Variants in KALRN observed in about 807,000 individuals in gnomAD.
The protein encoded by KALRN is kalirin RhoGEF kinase, also known as kalirin.
A neutral mutation model predicts 353.7 loss-of-function variants in KALRN; 70 were observed. The observed-to-expected ratio is 0.20, with a 90% confidence interval of 0.16 to 0.24. KALRN has a LOEUF of 0.24. Ranked by LOEUF, KALRN falls within the 10% of genes least tolerant of loss-of-function variation. The pLI is 1.00. For synonymous variants in KALRN, 1,391 were observed against 1,434.8 expected (o/e 0.97, Z 0.69); for missense variants, 2,791 against 3,756.7 (o/e 0.74, Z 6.72).
rs551384616 is a variant in KALRN at position 124,717,452 on chromosome 3, C to T, written c.8415+67C>T. 1.2e-4 allele frequency: 148 copies of T among 1,185,602 alleles called. No homozygotes were observed. The East Asian group carries it at 3.2e-3, about 26-fold the overall frequency. The allele number at this position is 1,185,602 out of a possible 1,614,324, so 73.4% of individuals were successfully genotyped here. A position where few individuals can be genotyped will look rare whatever the true frequency, so the allele number is the denominator to read the frequency against. Reference sequence around the variant, plus strand: ...CTGAAATCCCAGCACTTTGGGAGGCCAAGGTGGGCGGATCACAAGGTCAGG... The same window carrying T: ...CTGAAATCCCAGCACTTTGGGAGGCTAAGGTGGGCGGATCACAAGGTCAGG... On this transcript the variant is annotated intron_variant, in intron 59 of 59. Coordinates refer to ENST00000682506, the MANE Select transcript of KALRN (RefSeq NM_001388419.1).
At chr3:124,079,281 T>TA (rs1410932901) in intron 1 of KALRN, among the ~76,000 whole-genome samples, 1 of 152,084 alleles carries the variant, frequency 6.6e-6, no homozygotes, top group Non-Finnish European at 1.5e-5. Flanking sequence ...CCACAGAAGA[T>TA]AAGGGGTCTC....
At chr3:124,699,770 A>C in intron 55 of KALRN, 99 bp from the exon 56 acceptor site, 1 of 1,148,832 alleles carries the variant, frequency 8.7e-7, no homozygotes. Flanking sequence ...CATCCCTTGA[A>C]TTGAATGTGT....
chr3:124,071,329 G>A (rs571376693), intron 1 of KALRN, among the ~76,000 whole-genome samples: 1 of 152,268 alleles, frequency 6.6e-6, no homozygotes, highest in Admixed American at 6.5e-5. Flanking sequence ...AAAGGAAGTA[G>A]TTACTCCCGT....
intron 46 of KALRN, 118 bp downstream of exon 46, chr3:124,666,752 A>G (rs1217852190): frequency 1.2e-6 from 1 of 861,710 alleles, no homozygotes; most frequent in Non-Finnish European, 1.8e-6. Flanking sequence ...TTTCAGCCGA[A>G]TAACATTCGG....
intron 6 of KALRN, among the ~76,000 whole-genome samples, chr3:124,319,538 G>C (rs1184083035): frequency 1.3e-5 from 2 of 149,056 alleles, no homozygotes; most frequent in Non-Finnish European, 3.0e-5. Context: ...CCTCTGTATA[G>C]TTTTAATAAC....
Position 124,234,935 on chromosome 3 carries a change from C to CGTGCCAAGGTAAGGGGAAGGGGAATG in KALRN, c.257_263+19dup. The CGTGCCAAGGTAAGGGGAAGGGGAATG allele has an allele frequency of 6.3e-7, 1 of 1,598,400 alleles. No individual in the cohort carries two copies. The highest frequency in any genetic ancestry group is 1.1e-5 in the South Asian group (1 of 88,484). ...GGAAACTCGTGACGTATTTGGCCAG[C>CGTGCCAAGGTAAGGGGAAGGGGAATG]GTGCCAAGGTAAGGGGAAGGGGAAT... On this transcript the variant is annotated stop_gained and frameshift_variant, in exon 3 of 60. Transcript: ENST00000682506. LOFTEE classifies it high-confidence loss of function.
intron 6 of KALRN, 61 bp from the exon 7 acceptor site, chr3:124,325,919 G>A (rs774070068): frequency 2.4e-5 from 35 of 1,430,090 alleles, no homozygotes; most frequent in African/African-American, 4.2e-5. Flanking sequence ...TGTACCCCAC[G>A]AAAGTGCTCA....
intron 33 of KALRN, among the ~76,000 whole-genome samples, chr3:124,558,915 A>C (rs933193979): frequency 5.2e-5 from 8 of 152,400 alleles, no homozygotes; most frequent in Non-Finnish European, 1.0e-4. Context: ...TTGGGAAACC[A>C]TCACAGAATA....
chr3:124,612,990 T>C (rs2651609), intron 34 of KALRN, among the ~76,000 whole-genome samples: 23,160 of 151,910 alleles, frequency 0.15, 4,200 homozygotes, highest in African/African-American at 0.41. Flanking sequence ...AATAGTCTGA[T>C]TGAGTATTTT....
At chr3:124,646,113 G>A (rs1029597037) in intron 37 of KALRN, among the ~76,000 whole-genome samples, 1 of 152,100 alleles carries the variant, frequency 6.6e-6, no homozygotes, top group South Asian at 2.1e-4. Context: ...AGAGGTGATT[G>A]GTTGGTGTGG....
chr3:124,572,345 A>G (rs2073630091), intron 34 of KALRN, among the ~76,000 whole-genome samples: 1 of 151,976 alleles, frequency 6.6e-6, no homozygotes, highest in Non-Finnish European at 1.5e-5. Context: ...AAAAAACAAA[A>G]AACAAAAAAA....
chr3:124,061,135 G>A (rs954324397), intron 1 of KALRN, among the ~76,000 whole-genome samples: 7 of 152,188 alleles, frequency 4.6e-5, no homozygotes, highest in Non-Finnish European at 7.3e-5. Context: ...CTAGCTGTGC[G>A]GAGGCAGATA....
At chr3:124,659,068 T>C (rs333298) in intron 42 of KALRN, among the ~76,000 whole-genome samples, 92,434 of 152,030 alleles carry the variant, frequency 0.61, 28,957 homozygotes, top group African/African-American at 0.77. Context: ...TGCCCTGAAG[T>C]GGTGGAGAGA....
chr3:124,543,062 A>G (rs2069215199), intron 33 of KALRN, among the ~76,000 whole-genome samples: 1 of 152,096 alleles, frequency 6.6e-6, no homozygotes, highest in African/African-American at 2.4e-5. Flanking sequence ...ACCTCTCTCT[A>G]GGGCTGCTTA....
intron 5 of KALRN, among the ~76,000 whole-genome samples, chr3:124,290,975 C>A (rs926392980): frequency 6.6e-6 from 1 of 152,150 alleles, no homozygotes; most frequent in Non-Finnish European, 1.5e-5. Flanking sequence ...ATGAGCACAA[C>A]ACCTACCAGG....
At position 124,182,225 on chromosome 3, in the gene KALRN, A is replaced by C. The variant is rs1579065751; in HGVS notation, c.74-45765A>C. ...GCTCCAAAACTTAACGGCTTGAAAT[A>C]ACACACATTTATTGTCTGACAATTT... On this transcript the variant is annotated intron_variant, in intron 1 of 59. Coordinates refer to ENST00000682506, the MANE Select transcript of KALRN (RefSeq NM_001388419.1). 4.6e-5 allele frequency among the ~76,000 whole-genome samples: 7 copies of C among 152,330 alleles called. No homozygotes were observed. In the Middle Eastern group the frequency reaches 0.017, roughly 370 times the overall value.
chr3:124,057,110 A>G (rs1400168572), intron 1 of KALRN, among the ~76,000 whole-genome samples: 2 of 152,100 alleles, frequency 1.3e-5, no homozygotes, highest in African/African-American at 2.4e-5. Flanking sequence ...TTTATCCCTT[A>G]CCACATTTGG....
chr3:124,702,097 G>A lies in KALRN; in HGVS notation c.8056G>A (p.Glu2686Lys), dbSNP rs1409138684. 4 of 1,612,244 alleles carry A rather than the reference G, an allele frequency of 2.5e-6. No homozygotes were observed. The highest frequency in any genetic ancestry group is 3.4e-6 in the Non-Finnish European group (4 of 1,178,630). ...WKENFDSAYT[E>K]LNEIGRGRFS... ...GGAAAATTTTGACTCAGCTTACACT[G>A]AGCTGAATGAAATTGGAAGGTAATG... The change falls in exon 57 of 60, where the codon GAG becomes AAG. Residue 2686 changes from glutamate (E) to lysine (K), a missense_variant. Around this residue, in one of 11 missense-constraint regions of KALRN, gnomAD observed 188 missense variants for 402.9 expected, o/e 0.47. Coordinates refer to ENST00000682506, the MANE Select transcript of KALRN (RefSeq NM_001388419.1).
At chr3:124,328,285 C>A (rs750301278) in intron 7 of KALRN, among the ~76,000 whole-genome samples, 5 of 152,192 alleles carry the variant, frequency 3.3e-5, no homozygotes, top group Non-Finnish European at 5.9e-5. Context: ...GCTGTCCAAT[C>A]TCCTGTTCTG....
Sources: gnomAD v4.1 joint callset for allele counts (sites outside exome capture counted in the v4.1 genomes callset) on GRCh38, gnomAD v4.1.1 for gene constraint, gnomAD v4.1.1 regional missense constraint, MANE v1.5 for transcripts, NCBI Gene and HGNC (gene_info 2026-07-23, HGNC 2026-07-21) for gene names.